Variants in SGMS1 observed in about 807,000 individuals in gnomAD.
SGMS1 encodes the protein sphingomyelin synthase 1, also known as phosphatidylcholine:ceramide cholinephosphotransferase 1.
In SGMS1, 13 loss-of-function variants were observed where a neutral mutation model predicts 46.2. That is an observed-to-expected ratio of 0.28 (90% CI 0.18 to 0.45). The LOEUF (loss-of-function observed/expected upper bound fraction) is 0.45, where lower values mean the gene tolerates loss of function less well. Ranked by LOEUF, SGMS1 falls within the 20% of genes least tolerant of loss-of-function variation. The pLI is 1.00. For missense variants in SGMS1, 324 were observed against 519.9 expected, an observed-to-expected ratio of 0.62 and a Z score of 3.66; for synonymous variants, 203 against 187.8, an observed-to-expected ratio of 1.08 and a Z score of -0.66.
At chr10:50,499,386 A>G (rs894756288) in intron 3 of SGMS1, among the ~76,000 whole-genome samples, 1 of 152,186 alleles carries the variant, frequency 6.6e-6, no homozygotes, top group African/African-American at 2.4e-5. Context: ...AAAGAAAGAC[A>G]GATGATGATA....
intron 4 of SGMS1, among the ~76,000 whole-genome samples, chr10:50,463,097 A>G (rs1200667434): frequency 6.6e-6 from 1 of 152,182 alleles, no homozygotes; most frequent in Non-Finnish European, 1.5e-5. Context: ...AAATACATAG[A>G]GGAAATGCTT....
chr10:50,449,825 C>T (rs987393225), intron 5 of SGMS1, among the ~76,000 whole-genome samples: 5 of 149,684 alleles, frequency 3.3e-5, no homozygotes, highest in Admixed American at 1.3e-4. Flanking sequence ...TCCCACTAGA[C>T]TATTAGCTCC....
chr10:50,576,440 A>G (rs1297661258), intron 2 of SGMS1, among the ~76,000 whole-genome samples: 2 of 152,202 alleles, frequency 1.3e-5, no homozygotes, highest in Admixed American at 1.3e-4. Context: ...CTGCCACTGG[A>G]GGAGCACGCC....
chr10:50,558,944 A>T (rs1838210932), intron 2 of SGMS1, among the ~76,000 whole-genome samples: 1 of 152,012 alleles, frequency 6.6e-6, no homozygotes, highest in Non-Finnish European at 1.5e-5. Context: ...ATAAGTAGTT[A>T]TGTTTTGGGG....
At chr10:50,332,083 T>C (rs899292521) in intron 7 of SGMS1, among the ~76,000 whole-genome samples, 12 of 152,192 alleles carry the variant, frequency 7.9e-5, no homozygotes, top group African/African-American at 2.9e-4. Context: ...AGCCCTCCAA[T>C]GGTTGTCAAA....
Position 50,495,262 on chromosome 10 carries a change from G to GAA in SGMS1, c.-498+24567_-498+24568dup, listed in dbSNP as rs200136497. Among the ~76,000 whole-genome samples, 57 of 119,382 alleles carry GAA rather than the reference G, an allele frequency of 4.8e-4. 1 individual carries two copies. The highest frequency in any genetic ancestry group is 1.8e-3 in the African/African-American group (56 of 31,874). The allele number at this position is 119,382 out of a possible 152,430, so 78.3% of individuals were successfully genotyped here. ...TCAAAAAAAAAAAAAAAAAAGTTAA[G>GAA]AAAAAAAAAAAAGGATGTGCTGTAT... On this transcript the variant is annotated intron_variant, in intron 3 of 10. Transcript: ENST00000361781.
chr10:50,586,884 C>T (rs1339591239), intron 2 of SGMS1, among the ~76,000 whole-genome samples: 1 of 152,130 alleles, frequency 6.6e-6, no homozygotes, highest in East Asian at 1.9e-4. Flanking sequence ...ATGGGTAAAC[C>T]CAAACAATTA....
intron 9 of SGMS1, among the ~76,000 whole-genome samples, chr10:50,308,373 C>T (rs912687806): frequency 3.3e-5 from 5 of 152,118 alleles, no homozygotes; most frequent in South Asian, 2.1e-4. Context: ...TTGGTTCTTA[C>T]TTGATTCATA....
rs61858201 is a variant in SGMS1, at chr10:50,332,134, G to T, written c.624-4812C>A. 3.9e-5 allele frequency among the ~76,000 whole-genome samples: 6 copies of T among 152,254 alleles called. No homozygotes were observed. The South Asian group carries it at 1.2e-3, about 32-fold the overall frequency. Reference sequence around the variant, plus strand: ...TCCAAATCTTTTCCCAAGACCCTGAGGCCCTATATCTGGCTACCTCCCTCT... The same window carrying T: ...TCCAAATCTTTTCCCAAGACCCTGATGCCCTATATCTGGCTACCTCCCTCT... On this transcript the variant is annotated intron_variant, in intron 7 of 10. Transcript: ENST00000361781.
intron 6 of SGMS1, among the ~76,000 whole-genome samples, chr10:50,389,488 G>A (rs541395009): frequency 2.6e-5 from 4 of 152,272 alleles, no homozygotes; most frequent in African/African-American, 9.6e-5. Flanking sequence ...ACAGACTGGG[G>A]CCATCAAATC....
intron 2 of SGMS1, among the ~76,000 whole-genome samples, chr10:50,580,432 C>CCT (rs200399287): frequency 3.4e-4 from 52 of 151,718 alleles, no homozygotes; most frequent in Non-Finnish European, 6.3e-4. Flanking sequence ...GGACCCCCCC[C>CCT]CAAACCCCTC....
chr10:50,617,151 T>C (rs1554796508), intron 1 of SGMS1, among the ~76,000 whole-genome samples: 1 of 152,180 alleles, frequency 6.6e-6, no homozygotes, highest in Non-Finnish European at 1.5e-5. Flanking sequence ...TTTGGGGTGA[T>C]AAAAAATGTT....
intron 2 of SGMS1, among the ~76,000 whole-genome samples, chr10:50,586,052 G>A (rs1379869902): frequency 6.6e-6 from 1 of 152,148 alleles, no homozygotes; most frequent in African/African-American, 2.4e-5. Context: ...GGTCTCTTTT[G>A]CAACTATTCA....
chr10:50,604,553 C>A (rs537592735), intron 1 of SGMS1, among the ~76,000 whole-genome samples: 150 of 152,296 alleles, frequency 9.8e-4, no homozygotes, highest in Non-Finnish European at 1.7e-3. Flanking sequence ...CCCAGAGACA[C>A]ATTTCTTTGA....
chr10:50,555,059 G>T (rs1327202375), intron 2 of SGMS1, among the ~76,000 whole-genome samples: 2 of 152,182 alleles, frequency 1.3e-5, no homozygotes, highest in Non-Finnish European at 2.9e-5. Flanking sequence ...CCCAAATGGG[G>T]TCACGCCAGC....
chr10:50,544,133 C>T (rs903451648), intron 2 of SGMS1, among the ~76,000 whole-genome samples: 2 of 152,148 alleles, frequency 1.3e-5, no homozygotes, highest in African/African-American at 4.8e-5. Flanking sequence ...AAGGTAATGA[C>T]AACAATAAAA....
In SGMS1 at chr10:50,307,602, C is replaced by G. The variant is rs1847196602; in HGVS notation, c.1063-281G>C. Among the ~76,000 whole-genome samples, 1 of 152,236 alleles carries G rather than the reference C, an allele frequency of 6.6e-6. No homozygotes were observed. Among genetic ancestry groups the G allele is most frequent in the African/African-American group, 2.4e-5 (1 of 41,536 alleles). ...CACCTCAGTTAGCTTTTTAGGTATT[C>G]CTCTTCTATGCTAAAAATGTTAACA... On this transcript the variant is annotated intron_variant, in intron 10 of 10. Transcript: ENST00000361781. This position sits in a 1 kb window ranked among gnomAD's most constrained non-coding sequence, Gnocchi z 4.2.
At chr10:50,383,873 C>T (rs561839089) in intron 6 of SGMS1, among the ~76,000 whole-genome samples, 6 of 152,066 alleles carry the variant, frequency 3.9e-5, no homozygotes, top group Non-Finnish European at 5.9e-5. Context: ...ATATTTAAAA[C>T]GAGGTAGCTA....
At chr10:50,367,617 A>T (rs891907067) in intron 6 of SGMS1, among the ~76,000 whole-genome samples, 36 of 152,280 alleles carry the variant, frequency 2.4e-4, no homozygotes, top group African/African-American at 7.9e-4. Flanking sequence ...TCTCCACACC[A>T]GTCCCTACCC....
Sources: gnomAD v4.1 joint callset for allele counts (sites outside exome capture counted in the v4.1 genomes callset) on GRCh38, gnomAD v4.1.1 for gene constraint, Gnocchi (gnomAD v3.1) non-coding constraint, MANE v1.5 for transcripts, NCBI Gene and HGNC (gene_info 2026-07-23, HGNC 2026-07-21) for gene names.